MCMBP: variants seen among roughly 807,000 people sequenced by gnomAD.
MCMBP encodes the protein mini-chromosome maintenance complex-binding protein.
In MCMBP, 31 loss-of-function variants were observed where a neutral mutation model predicts 81.3. The ratio of observed to expected loss-of-function variants is 0.38; its 90% CI spans 0.29 to 0.51. MCMBP has a LOEUF of 0.51. Among genes scored for constraint, MCMBP ranks in the 20% least tolerant of loss-of-function variants. The pLI is 0.87. For missense variants in MCMBP, 645 were observed against 772.1 expected, an observed-to-expected ratio of 0.84 and a Z score of 1.95; for synonymous variants, 267 against 275.9, an observed-to-expected ratio of 0.97 and a Z score of 0.32.
In MCMBP at chr10:119,859,252, CTT is replaced by C; in HGVS notation, c.145-73_145-72del. 2.1e-6 allele frequency: 3 copies of C among 1,397,180 alleles called. No individual in the cohort carries two copies. The East Asian group carries it at 6.9e-5, about 32-fold the overall frequency. The allele number at this position is 1,397,180 out of a possible 1,614,324, so 86.5% of individuals were successfully genotyped here. A position where few individuals can be genotyped will look rare whatever the true frequency, so the allele number is the denominator to read the frequency against. The stretch of plus-strand genomic sequence containing the variant: ...ACAACATTAAGCATATATACACAAA[CTT>C]TATATCCAGACTCAAACTGTTACAC... On this transcript the variant is annotated intron_variant, in intron 2 of 15. Transcript: ENST00000369077.
chr10:119,848,784 C>T (rs562074894), intron 7 of MCMBP, among the ~76,000 whole-genome samples: 1 of 152,200 alleles, frequency 6.6e-6, no homozygotes, highest in East Asian at 1.9e-4. Flanking sequence ...TTTCTTCCTT[C>T]TGTTTTATTT....
chr10:119,829,962 T>C lies in MCMBP; in HGVS notation c.*1512A>G, dbSNP rs879190444. On this transcript the variant is annotated 3_prime_UTR_variant, in exon 16 of 16. Coordinates refer to ENST00000369077, the MANE Select transcript of MCMBP (RefSeq NM_001256378.2). ...GGACAATTAAAGAAAATGTATTTTA[T>C]CCTCACAAATCCAGTGAAGCCTTCA... is the stretch of plus-strand genomic sequence containing the variant. 1 of 152,668 alleles carries C rather than the reference T, an allele frequency of 6.6e-6. No individual in the cohort carries two copies. The highest frequency in any genetic ancestry group is 6.5e-5 in the Admixed American group (1 of 15,274). 9.5% of individuals were successfully genotyped at this position (152,668 alleles called of 1,614,324 possible). A position where few individuals can be genotyped will look rare whatever the true frequency, so the allele number is the denominator to read the frequency against.
chr10:119,847,654 C>G lies in MCMBP; in HGVS notation c.786G>C (p.Leu262=). Residue 262 remains leucine, a synonymous_variant, in exon 8 of 16, where the codon CTG becomes CTC. Coordinates refer to ENST00000369077, the MANE Select transcript of MCMBP (RefSeq NM_001256378.2). ...VNDILELYGI[L]SVDPVLSILN... ...GTATACTCAGCACAGGATCCACAGA[C>G]AGTATGCCATATAGCTCAAGAATGT... is the stretch of plus-strand genomic sequence containing the variant. 6.2e-7 allele frequency: 1 copy of G among 1,612,182 alleles called. No individual in the cohort carries two copies. The highest frequency in any genetic ancestry group is 8.5e-7 in the Non-Finnish European group (1 of 1,179,078).
chr10:119,842,913 C>T, intron 9 of MCMBP: 1 of 374,248 alleles, frequency 2.7e-6, no homozygotes, highest in Middle Eastern at 8.7e-4. Flanking sequence ...GCCACCACAC[C>T]TGGCTAATTT....
intron 5 of MCMBP, among the ~76,000 whole-genome samples, chr10:119,855,001 C>T (rs943888014): frequency 3.3e-5 from 5 of 150,944 alleles, no homozygotes; most frequent in Non-Finnish European, 7.4e-5. Flanking sequence ...ATAATAATAT[C>T]GCTAAAGGAA....
At chr10:119,847,856 G>A (rs907399594) in intron 7 of MCMBP, 143 bp from the exon 8 acceptor site, 4 of 473,090 alleles carry the variant, frequency 8.5e-6, no homozygotes, top group Non-Finnish European at 1.5e-5. Flanking sequence ...TTTATAAATT[G>A]AGACCAAGAG....
At position 119,853,101 on chromosome 10, in the gene MCMBP, C is replaced by T. The variant is rs773708671; in HGVS notation, c.523G>A (p.Asp175Asn). 3 of 1,614,140 alleles carry T rather than the reference C, an allele frequency of 1.9e-6. No individual in the cohort carries two copies. The highest frequency in any genetic ancestry group is 2.5e-6 in the Non-Finnish European group (3 of 1,180,026). Residue 175 changes from aspartate to asparagine, a missense_variant, in exon 6 of 16, where the codon GAC becomes AAC. By Grantham distance (23) the Asp-to-Asn change is conservative (BLOSUM62 1). Coordinates refer to ENST00000369077, the MANE Select transcript of MCMBP (RefSeq NM_001256378.2). ...TCTTTCTGCTTATTGGGCTGTAGGT[C>T]CATATCGTCATCATCTTCATAACTC... Reference protein sequence around the residue: ...KRSYEDDDDMDLQPNKQKDQH... With the variant: ...KRSYEDDDDMNLQPNKQKDQH...
chr10:119,868,700 A>G (rs1357599543), intron 1 of MCMBP, among the ~76,000 whole-genome samples: 2 of 152,208 alleles, frequency 1.3e-5, no homozygotes, highest in Non-Finnish European at 2.9e-5. Context: ...AAAGACATAT[A>G]TAATAGGATC....
chr10:119,838,021 C>T (rs1852305302), intron 12 of MCMBP, among the ~76,000 whole-genome samples: 1 of 151,666 alleles, frequency 6.6e-6, no homozygotes, highest in South Asian at 2.1e-4. Flanking sequence ...TCCTTACACT[C>T]ACTGAAAAAA....
intron 14 of MCMBP, among the ~76,000 whole-genome samples, chr10:119,834,861 CAAAAAAA>C (rs71019725): frequency 0.014 from 954 of 67,332 alleles, 11 homozygotes; most frequent in African/African-American, 0.056. Context: ...GACCCTGTCT[CAAAAAAA>C]AAAAAAAAAA....
At chr10:119,872,488 G>C (rs1016712323) in intron 1 of MCMBP, 39 bp downstream of exon 1, 3 of 1,155,484 alleles carry the variant, frequency 2.6e-6, no homozygotes, top group Non-Finnish European at 3.2e-6. Context: ...CGGCAAACTC[G>C]GCTGCCCGCC....
At position 119,832,129 on chromosome 10, in the gene MCMBP, G is replaced by A. The variant is rs760815098; in HGVS notation, c.1708-29C>T. ...TATCAAAAGAGTAAATGTAAATGATGTGCATTTTTGTAAGGAAAAGAAAAT... is the reference window on the plus strand; with the variant it reads ...TATCAAAAGAGTAAATGTAAATGATATGCATTTTTGTAAGGAAAAGAAAAT... On this transcript the variant is annotated intron_variant, in intron 14 of 15. Transcript: ENST00000369077. The A allele has an allele frequency of 3.8e-6, 6 of 1,584,866 alleles. No individual in the cohort carries two copies. The African/African-American group carries it at 4.1e-5, about 11-fold the overall frequency.
intron 9 of MCMBP, 138 bp downstream of exon 9, chr10:119,843,114 CGA>C: frequency 4.3e-6 from 4 of 931,706 alleles, no homozygotes; most frequent in Non-Finnish European, 3.4e-6. Flanking sequence ...AATGGGGCAA[CGA>C]GAGAGAGATT....
intron 15 of MCMBP, 61 bp downstream of exon 15, chr10:119,831,951 T>C (rs1852059459): frequency 5.5e-6 from 8 of 1,457,762 alleles, no homozygotes; most frequent in Non-Finnish European, 7.5e-6. Context: ...TACTGCTGAA[T>C]AACTCAGAAG....
Position 119,838,562 on chromosome 10 carries a change from GGA to G in MCMBP, c.1379_1380del (p.Leu460ProfsTer13). On this transcript the variant is annotated frameshift_variant, in exon 12 of 16. Coordinates refer to ENST00000369077, the MANE Select transcript of MCMBP (RefSeq NM_001256378.2). LOFTEE classifies it high-confidence loss of function. ...GGGGTATCCAGCTGCCCCTGTTCCAGGAGAGTCTCATCGATTACAAGGGAAGT... is the reference window on the plus strand; with the variant it reads ...GGGGTATCCAGCTGCCCCTGTTCCAGGAGTCTCATCGATTACAAGGGAAGT... Reference protein sequence around the residue: ...SNTSLVIDETLLEQGQLDTPG... With the variant: ...SNTSLVIDETXLEQGQLDTPG... 1.2e-6 allele frequency: 2 copies of G among 1,614,120 alleles called. No homozygotes were observed. Among genetic ancestry groups the G allele is most frequent in the Non-Finnish European group, 1.7e-6 (2 of 1,180,010 alleles).
At position 119,831,529 on chromosome 10, in the gene MCMBP, G is replaced by T; in HGVS notation, c.1868C>A (p.Ser623Tyr). 1.9e-6 allele frequency: 3 copies of T among 1,614,034 alleles called. No individual in the cohort carries two copies. The highest frequency in any genetic ancestry group is 1.7e-6 in the Non-Finnish European group (2 of 1,179,942). The change falls in exon 16 of 16, where the codon TCT (serine) becomes TAT (tyrosine). Residue 623 changes from serine (S) to tyrosine (Y), a missense_variant. Transcript: ENST00000369077. ...CTGCTGAAGCCTCGTTCTTCTTAAA[G>T]ACTCTAGCTGCTTTGCTCTCAGCCA... Reference protein sequence around the residue: ...ERWLRAKQLESLRRTRLQQQK... With the variant: ...ERWLRAKQLEYLRRTRLQQQK...
chr10:119,847,666 T>G lies in MCMBP; in HGVS notation c.774A>C (p.Leu258=). The stretch of plus-strand genomic sequence containing the variant: ...CAGGATCCACAGACAGTATGCCATA[T>G]AGCTCAAGAATGTCATTTACTTTGA... ...DCFKVNDILE[L]YGILSVDPVL... is the part of the protein sequence containing the mutation. The change falls in exon 8 of 16, where the codon CTA becomes CTC. Residue 258 remains leucine, a synonymous_variant. Coordinates refer to ENST00000369077, the MANE Select transcript of MCMBP (RefSeq NM_001256378.2). 6.2e-7 allele frequency: 1 copy of G among 1,612,168 alleles called. No individual in the cohort carries two copies. The highest frequency in any genetic ancestry group is 1.3e-5 in the African/African-American group (1 of 75,006).
chr10:119,857,636 C>A (rs1253775803), intron 4 of MCMBP, 197 bp from the exon 5 acceptor site: 3 of 417,184 alleles, frequency 7.2e-6, no homozygotes, highest in South Asian at 3.6e-5. Context: ...TCATCAAACA[C>A]TTCCTCCCTC....
At chr10:119,843,091 A>T in intron 9 of MCMBP, 163 bp downstream of exon 9, 3 of 748,450 alleles carry the variant, frequency 4.0e-6, no homozygotes, top group Non-Finnish European at 6.8e-6. Context: ...GAAGAGAATT[A>T]ATGTAAGAGA....
Sources: allele counts gnomAD v4.1 joint callset (sites outside exome capture counted in the v4.1 genomes callset), GRCh38; gene constraint gnomAD v4.1.1; transcripts MANE v1.5; gene names NCBI Gene and HGNC (gene_info 2026-07-23, HGNC 2026-07-21).